Variants in ANKRD44 observed in about 807,000 individuals in gnomAD.
The protein encoded by ANKRD44 is ankyrin repeat domain 44, also known as serine/threonine-protein phosphatase 6 regulatory ankyrin repeat subunit B.
In ANKRD44, 35 loss-of-function variants were observed where a neutral mutation model predicts 116.0. That is an observed-to-expected ratio of 0.30 (90% confidence interval 0.23 to 0.40). ANKRD44 has a LOEUF of 0.40. ANKRD44 is among the 10% of genes least tolerant of loss of function. The pLI, the probability that ANKRD44 is intolerant of heterozygous loss-of-function variation, is 1.00. For synonymous variants in ANKRD44, 435 were observed against 461.8 expected, an observed-to-expected ratio of 0.94 and a Z score of 0.74; for missense variants, 1,014 against 1,242.6, an observed-to-expected ratio of 0.82 and a Z score of 2.77.
chr2:197,209,829 G>A (rs1004273486), intron 1 of ANKRD44, among the ~76,000 whole-genome samples: 4 of 152,234 alleles, frequency 2.6e-5, no homozygotes. Context: ...CACAGCACAA[G>A]ATTGTCTTGT....
chr2:197,303,694 C>G (rs1276217062), intron 1 of ANKRD44, among the ~76,000 whole-genome samples: 2 of 152,106 alleles, frequency 1.3e-5, no homozygotes, highest in Non-Finnish European at 2.9e-5. Flanking sequence ...AAACAAAAAC[C>G]AAGAAATGCA....
chr2:197,060,556 T>C (rs1233292836), intron 16 of ANKRD44, among the ~76,000 whole-genome samples: 2 of 152,236 alleles, frequency 1.3e-5, no homozygotes. Context: ...GAACACTTTC[T>C]ACTCTCAGCA....
chr2:197,298,355 T>C (rs2083787133), intron 1 of ANKRD44, among the ~76,000 whole-genome samples: 1 of 152,214 alleles, frequency 6.6e-6, no homozygotes, highest in African/African-American at 2.4e-5. Flanking sequence ...CTAAGACCAA[T>C]GCTCAAGTAT....
At chr2:197,295,043 A>C (rs2083678294) in intron 1 of ANKRD44, among the ~76,000 whole-genome samples, 1 of 152,232 alleles carries the variant, frequency 6.6e-6, no homozygotes, top group Non-Finnish European at 1.5e-5. Context: ...AGGGAAAAAA[A>C]AGTTGAGTAC....
chr2:197,199,908 T>C (rs749757782), intron 1 of ANKRD44, among the ~76,000 whole-genome samples: 15 of 152,214 alleles, frequency 9.9e-5, no homozygotes, highest in Non-Finnish European at 2.2e-4. Flanking sequence ...GAATGGGCAT[T>C]TGGGTTGTTT....
intron 1 of ANKRD44, among the ~76,000 whole-genome samples, chr2:197,237,066 T>C (rs188798356): frequency 2.6e-4 from 40 of 152,196 alleles, no homozygotes; most frequent in African/African-American, 8.9e-4. Context: ...AGAGGCAGCA[T>C]AGACTCGTTT....
intron 8 of ANKRD44, among the ~76,000 whole-genome samples, chr2:197,119,913 G>A (rs917950041): frequency 6.6e-6 from 1 of 152,132 alleles, no homozygotes; most frequent in Non-Finnish European, 1.5e-5. Context: ...CTGTCACATG[G>A]CAAGCTGACA....
rs1424864349 is a variant in ANKRD44, at chr2:196,989,767, C to G, written c.2924-118G>C. On this transcript the variant is annotated intron_variant, in intron 27 of 27. Coordinates refer to ENST00000282272, the MANE Select transcript of ANKRD44 (RefSeq NM_001195144.2). ...ACTTTCTGCTTTCACTTTTTTTGTT[C>G]CTTTTTGCAGTCACACTTTTCACTG... is the stretch of plus-strand genomic sequence containing the variant. 5 of 1,494,200 alleles carry G rather than the reference C, an allele frequency of 3.3e-6. No individual in the cohort carries two copies. The Admixed American group carries it at 1.1e-4, about 32-fold the overall frequency. 92.6% of individuals were successfully genotyped at this position (1,494,200 alleles called of 1,614,324 possible).
chr2:197,013,955 G>T (rs1365206370), intron 17 of ANKRD44, among the ~76,000 whole-genome samples: 1 of 152,284 alleles, frequency 6.6e-6, no homozygotes, highest in Non-Finnish European at 1.5e-5. Context: ...CACATAATTT[G>T]CTCCAAAGAC....
chr2:196,991,761 TG>T (rs112314062), intron 27 of ANKRD44, among the ~76,000 whole-genome samples: 7 of 40,896 alleles, frequency 1.7e-4, no homozygotes, highest in East Asian at 4.6e-3. Context: ...TTTCTTTTTT[TG>T]GTTTTTTTTT....
intron 1 of ANKRD44, among the ~76,000 whole-genome samples, chr2:197,232,090 C>A (rs981187458): frequency 1.3e-5 from 2 of 152,150 alleles, no homozygotes; most frequent in African/African-American, 4.8e-5. Flanking sequence ...CCTAACAGAA[C>A]AAGAAGGTGA....
rs989672924 is a variant in ANKRD44 at position 197,083,477 on chromosome 2, T to A, written c.1349A>T (p.His450Leu). Reference protein sequence around the residue: ...TPLHYAAANCHFHCIETLVTT... With the variant: ...TPLHYAAANCLFHCIETLVTT... ...CACTAATGTCTCAATACAGTGGAAA[T>A]GACAATTCGCAGCTGCATAGTGCAA... The change falls in exon 14 of 28, where the codon CAT (histidine) becomes CTT (leucine). Residue 450 changes from histidine to leucine, a missense_variant. Coordinates refer to ENST00000282272, the MANE Select transcript of ANKRD44 (RefSeq NM_001195144.2). The A allele has an allele frequency of 6.2e-7, 1 of 1,613,680 alleles. No individual in the cohort carries two copies. The highest frequency in any genetic ancestry group is 8.5e-7 in the Non-Finnish European group (1 of 1,179,778).
At chr2:197,121,975 G>T (rs1228073891) in intron 7 of ANKRD44, among the ~76,000 whole-genome samples, 1 of 152,126 alleles carries the variant, frequency 6.6e-6, no homozygotes, top group Admixed American at 6.5e-5. Flanking sequence ...GGTGGCTGTG[G>T]AGTCTAAACA....
At chr2:197,124,498 A>C (rs1224601733) in intron 6 of ANKRD44, among the ~76,000 whole-genome samples, 2 of 152,206 alleles carry the variant, frequency 1.3e-5, no homozygotes, top group East Asian at 3.8e-4. Context: ...TATATTATTT[A>C]TACTGTTTTA....
intron 1 of ANKRD44, among the ~76,000 whole-genome samples, chr2:197,247,689 TG>T (rs1281524648): frequency 6.6e-6 from 1 of 152,170 alleles, no homozygotes; most frequent in Non-Finnish European, 1.5e-5. Flanking sequence ...TTAAAGATGA[TG>T]GGAACACCCA....
rs549303592 is a variant in ANKRD44 at position 197,297,228 on chromosome 2, A to G, written c.27+13350T>C. Among the ~76,000 whole-genome samples, 8 of 152,340 alleles carry G rather than the reference A, an allele frequency of 5.3e-5. No individual in the cohort carries two copies. The South Asian group carries it at 1.4e-3, about 28-fold the overall frequency. ...AAAATGAAAGAAAAATGTAATTCCTAAAGCTGTAGGAACCAAACACTACAA... is the reference window on the plus strand; with the variant it reads ...AAAATGAAAGAAAAATGTAATTCCTGAAGCTGTAGGAACCAAACACTACAA... On this transcript the variant is annotated intron_variant, in intron 1 of 27. Coordinates refer to ENST00000282272, the MANE Select transcript of ANKRD44 (RefSeq NM_001195144.2).
intron 16 of ANKRD44, among the ~76,000 whole-genome samples, chr2:197,061,763 C>T (rs1339512749): frequency 6.8e-6 from 1 of 147,698 alleles, no homozygotes. Flanking sequence ...TTATAATCTC[C>T]TTGAAAGTAA....
chr2:197,187,154 AT>A (rs2080698081), intron 1 of ANKRD44, 48 bp from the exon 2 acceptor site: 2 of 1,509,638 alleles, frequency 1.3e-6, no homozygotes, highest in Non-Finnish European at 1.8e-6. Flanking sequence ...AATACATCTG[AT>A]CACATACAGA....
rs553553179 is a variant in ANKRD44 at position 196,981,492 on chromosome 2, C to T, written c.2368+12091G>A. On this transcript the variant is annotated intron_variant, in intron 21 of 21. Coordinates refer to the ANKRD44 transcript ENST00000424317. The stretch of plus-strand genomic sequence containing the variant: ...CTCTGTTACTCTAAAATGTTCTCTC[C>T]AGGCTGGGCGTGGTGGCCCACACCT... Among the ~76,000 whole-genome samples the T allele has an allele frequency of 5.3e-5, 8 of 152,262 alleles. No homozygotes were observed. The South Asian group carries it at 1.7e-3, about 32-fold the overall frequency.
Sources: gnomAD v4.1 joint callset for allele counts (sites outside exome capture counted in the v4.1 genomes callset) on GRCh38, gnomAD v4.1.1 for gene constraint, MANE v1.5 for transcripts, NCBI Gene and HGNC (gene_info 2026-07-23, HGNC 2026-07-21) for gene names.